VEGFC: variants seen among roughly 807,000 people sequenced by gnomAD.
VEGFC encodes vascular endothelial growth factor C.
In VEGFC, 12 loss-of-function variants were observed where a neutral mutation model predicts 46.1. The observed-to-expected ratio is 0.26, with a 90% CI of 0.17 to 0.42. The LOEUF (loss-of-function observed/expected upper bound fraction) is 0.42. Among genes scored for constraint, VEGFC ranks in the 10% least tolerant of loss-of-function variants. The probability of loss-of-function intolerance (pLI) is 1.00; values close to 1 mark genes in which losing one functional copy is unlikely to be tolerated. For missense variants in VEGFC, 488 were observed against 529.4 expected (o/e 0.92, Z 0.77); for synonymous variants, 232 against 195.5 (o/e 1.19, Z -1.56).
chr4:176,718,844 A>G (rs921579812), intron 3 of VEGFC, among the ~76,000 whole-genome samples: 1 of 152,158 alleles, frequency 6.6e-6, no homozygotes, highest in Admixed American at 6.5e-5. Flanking sequence ...AAAGCAGATG[A>G]CTTTCTTCTG....
Position 176,687,266 on chromosome 4 carries a change from C to T in VEGFC, c.1066G>A (p.Gly356Arg), listed in dbSNP as rs765702995. 1.2e-6 allele frequency: 2 copies of T among 1,614,072 alleles called. No homozygotes were observed. The highest frequency in any genetic ancestry group is 2.2e-5 in the South Asian group (2 of 91,072). The change falls in exon 6 of 7, where the codon GGA becomes AGA. Residue 356 changes from glycine (G) to arginine (R), a missense_variant. Transcript: ENST00000618562. ...TCPRNQPLNP[G>R]KCACECTESP... ...TCTGTACATTCACAGGCACATTTTCCAGGATTTAGGGGTTGATTTCTGGGG... is the reference window on the plus strand; with the variant it reads ...TCTGTACATTCACAGGCACATTTTCTAGGATTTAGGGGTTGATTTCTGGGG...
At chr4:176,748,062 T>A (rs561732522) in intron 1 of VEGFC, among the ~76,000 whole-genome samples, 336 of 152,188 alleles carry the variant, frequency 2.2e-3, no homozygotes, top group African/African-American at 7.5e-3. Context: ...GCATTCAATA[T>A]GTATATAAAA....
intron 1 of VEGFC, among the ~76,000 whole-genome samples, chr4:176,744,307 C>T (rs979774058): frequency 9.9e-5 from 15 of 151,852 alleles, no homozygotes; most frequent in Non-Finnish European, 1.5e-4. Flanking sequence ...ATACAGAGTG[C>T]TCAGAACATC....
chr4:176,780,387 A>AAAAAAAAAAAAC lies in VEGFC; in HGVS notation c.147+11777_147+11778insGTTTTTTTTTTT, dbSNP rs1553997797. ...ACAGAGCGAGACTCCATCTCAAAAA[A>AAAAAAAAAAAAC]AAAAAAAAAAAACTCCTTCTAACCC... is the stretch of plus-strand genomic sequence containing the variant. On this transcript the variant is annotated intron_variant, in intron 1 of 6. Transcript: ENST00000618562. Among the ~76,000 whole-genome samples the AAAAAAAAAAAAC allele has an allele frequency of 1.1e-3, 125 of 114,774 alleles. 8 individuals carry two copies. The highest frequency in any genetic ancestry group is 3.7e-3 in the African/African-American group (114 of 31,206). 75.3% of individuals were successfully genotyped at this position (114,774 alleles called of 152,430 possible). A position where few individuals can be genotyped will look rare whatever the true frequency, so the allele number is the denominator to read the frequency against.
intron 5 of VEGFC, 101 bp from the exon 6 acceptor site, chr4:176,687,621 T>G (rs4604006): frequency 2.4e-6 from 3 of 1,230,548 alleles, no homozygotes; most frequent in Non-Finnish European, 3.3e-6. Flanking sequence ...ATGTTTTCCA[T>G]CAAAGGATTG....
intron 1 of VEGFC, among the ~76,000 whole-genome samples, chr4:176,751,446 A>T (rs1735340797): frequency 6.6e-6 from 1 of 152,010 alleles, no homozygotes; most frequent in South Asian, 2.1e-4. Context: ...ATTCCTACAA[A>T]CTAAAAAGAC....
chr4:176,687,474 C>A lies in VEGFC; in HGVS notation c.858G>T (p.Leu286=). 6.2e-7 allele frequency: 1 copy of A among 1,613,366 alleles called. No homozygotes were observed. The highest frequency in any genetic ancestry group is 8.5e-7 in the Non-Finnish European group (1 of 1,179,670). Residue 286 remains leucine (L), a synonymous_variant, in exon 6 of 7, where the codon CTG becomes CTT. Transcript: ENST00000618562. ...AGACACACTGACAGGTCTCTTCATC[C>A]AGCTCCTTGTTTGGTCCACAGATGT... ...FHDICGPNKE[L]DEETCQCVCR...
At chr4:176,755,113 T>C (rs1215572201) in intron 1 of VEGFC, among the ~76,000 whole-genome samples, 4 of 152,046 alleles carry the variant, frequency 2.6e-5, no homozygotes, top group African/African-American at 7.2e-5. Flanking sequence ...TTCGTATAGA[T>C]GTATACATTC....
At chr4:176,757,628 A>G (rs1468022814) in intron 1 of VEGFC, among the ~76,000 whole-genome samples, 6 of 152,016 alleles carry the variant, frequency 3.9e-5, no homozygotes, top group Non-Finnish European at 2.9e-5. Context: ...GCTCTTCATT[A>G]ACAATTTTTG....
intron 1 of VEGFC, among the ~76,000 whole-genome samples, chr4:176,763,908 CA>C (rs1225651876): frequency 1.3e-5 from 2 of 151,866 alleles, no homozygotes; most frequent in African/African-American, 4.8e-5. Context: ...AACGGTATCT[CA>C]AACATAGTAA....
chr4:176,749,808 AT>A (rs999609711), intron 1 of VEGFC, among the ~76,000 whole-genome samples: 1 of 151,702 alleles, frequency 6.6e-6, no homozygotes, highest in African/African-American at 2.4e-5. Context: ...CTCTTACATG[AT>A]TTTTTTCTTT....
intron 6 of VEGFC, among the ~76,000 whole-genome samples, chr4:176,684,787 G>T (rs1480853140): frequency 1.3e-5 from 2 of 152,164 alleles, no homozygotes; most frequent in South Asian, 2.1e-4. Context: ...GCGCAGTGGG[G>T]CAATCTCAGC....
intron 2 of VEGFC, among the ~76,000 whole-genome samples, chr4:176,728,925 C>A (rs1734916378): frequency 6.6e-6 from 1 of 152,088 alleles, no homozygotes; most frequent in South Asian, 2.1e-4. Context: ...TGGTCTCTGA[C>A]TCTGGCTTCA....
At chr4:176,789,554 G>A (rs1260684684) in intron 1 of VEGFC, among the ~76,000 whole-genome samples, 5 of 152,184 alleles carry the variant, frequency 3.3e-5, no homozygotes, top group Non-Finnish European at 5.9e-5. Context: ...AAGAAAAATT[G>A]TAAATAGAAC....
chr4:176,712,469 A>C (rs182939254), intron 3 of VEGFC, among the ~76,000 whole-genome samples: 116 of 152,284 alleles, frequency 7.6e-4, no homozygotes, highest in Non-Finnish European at 2.2e-4. Context: ...TGATTAAGTA[A>C]AACTAAGTAG....
chr4:176,755,642 A>G (rs779874639), intron 1 of VEGFC, among the ~76,000 whole-genome samples: 7 of 152,006 alleles, frequency 4.6e-5, no homozygotes, highest in Non-Finnish European at 5.9e-5. Context: ...AACACTCAGA[A>G]ATATTTGCAG....
chr4:176,768,486 T>TTATATATA (rs1189086790), intron 1 of VEGFC, among the ~76,000 whole-genome samples: 1 of 21,974 alleles, frequency 4.6e-5, no homozygotes, highest in East Asian at 7.9e-3. Flanking sequence ...AGAGGATGTT[T>TTATATATA]TATACATATA....
chr4:176,740,130 A>AAT lies in VEGFC; in HGVS notation c.148-10386_148-10385dup, dbSNP rs1479521346. 3.0e-4 allele frequency among the ~76,000 whole-genome samples: 38 copies of AAT among 128,400 alleles called. 2 individuals carry two copies. The highest frequency in any genetic ancestry group is 1.1e-3 in the African/African-American group (37 of 34,016). 84.2% of individuals were successfully genotyped at this position (128,400 alleles called of 152,430 possible). A position where few individuals can be genotyped will look rare whatever the true frequency, so the allele number is the denominator to read the frequency against. ...TTCTATATATATATTCTATATATAGAATATATAACTATATATAGAAGTTAT... is the reference window on the plus strand; with the variant it reads ...TTCTATATATATATTCTATATATAGAATATATATAACTATATATAGAAGTTAT... On this transcript the variant is annotated intron_variant, in intron 1 of 6. Coordinates refer to ENST00000618562, the MANE Select transcript of VEGFC (RefSeq NM_005429.5).
At chr4:176,769,381 TC>T (rs1735686081) in intron 1 of VEGFC, among the ~76,000 whole-genome samples, 2 of 152,150 alleles carry the variant, frequency 1.3e-5, no homozygotes, top group Non-Finnish European at 1.5e-5. Flanking sequence ...CTCCTGTGTG[TC>T]CTCTTGCGGT....
Sources: allele counts gnomAD v4.1 joint callset (sites outside exome capture counted in the v4.1 genomes callset), GRCh38; gene constraint gnomAD v4.1.1; transcripts MANE v1.5; gene names NCBI Gene and HGNC (gene_info 2026-07-23, HGNC 2026-07-21).